NAALADL2: variants seen among roughly 807,000 people sequenced by gnomAD.
NAALADL2 encodes N-acetylated alpha-linked acidic dipeptidase like 2.
Under a neutral mutation model 87.2 loss-of-function variants are expected in NAALADL2, and 76 were observed. That is an observed-to-expected ratio of 0.87 (90% CI 0.72 to 1.05). The LOEUF (loss-of-function observed/expected upper bound fraction) is 1.05. NAALADL2 is among the 50% of genes least tolerant of loss of function. The probability of loss-of-function intolerance (pLI) is 0.00; values close to 1 mark genes in which losing one functional copy is unlikely to be tolerated. For synonymous variants in NAALADL2, 354 were observed against 331.0 expected, an observed-to-expected ratio of 1.07 and a Z score of -0.75; for missense variants, 1,089 against 945.8, an observed-to-expected ratio of 1.15 and a Z score of -1.99.
At chr3:175,772,497 C>T (rs1272668027) in intron 13 of NAALADL2, among the ~76,000 whole-genome samples, 2 of 152,156 alleles carry the variant, frequency 1.3e-5, no homozygotes, top group African/African-American at 4.8e-5. Context: ...AGCTTCTTCA[C>T]CTAAGTAGTG....
intron 5 of NAALADL2, among the ~76,000 whole-genome samples, chr3:175,435,799 A>C (rs892515016): frequency 2.3e-4 from 35 of 151,522 alleles, no homozygotes; most frequent in Non-Finnish European, 4.4e-4. Flanking sequence ...GGATAAGCTA[A>C]TTGGAAAGGA....
chr3:174,997,411 T>G (rs1236465026), intron 1 of NAALADL2, among the ~76,000 whole-genome samples: 3 of 152,174 alleles, frequency 2.0e-5, no homozygotes, highest in African/African-American at 7.2e-5. Context: ...ATTTATTGTT[T>G]TGATTTGTGC....
chr3:174,863,638 T>C (rs573648328), intron 1 of NAALADL2, among the ~76,000 whole-genome samples: 19 of 152,170 alleles, frequency 1.2e-4, no homozygotes, highest in Admixed American at 1.2e-3. Flanking sequence ...AGTTGCAGCC[T>C]GAGGGTAGTA....
chr3:175,208,565 A>C, intron 2 of NAALADL2, among the ~76,000 whole-genome samples: 1 of 152,252 alleles, frequency 6.6e-6, no homozygotes. Context: ...CTCTGTTACG[A>C]AGTGGATTGC....
intron 13 of NAALADL2, among the ~76,000 whole-genome samples, chr3:175,798,247 A>C (rs1753744829): frequency 6.6e-6 from 1 of 152,072 alleles, no homozygotes. Flanking sequence ...CTACTATTAT[A>C]ATAAAGATCA....
At chr3:175,546,878 T>A (rs1713427041) in intron 9 of NAALADL2, among the ~76,000 whole-genome samples, 1 of 152,050 alleles carries the variant, frequency 6.6e-6, no homozygotes, top group Non-Finnish European at 1.5e-5. Flanking sequence ...GCAGTATATC[T>A]ACAAGGAGAA....
intron 4 of NAALADL2, among the ~76,000 whole-genome samples, chr3:175,291,547 A>T (rs543677688): frequency 6.6e-5 from 10 of 152,260 alleles, no homozygotes; most frequent in Middle Eastern, 3.4e-3. Context: ...TATTCAAGCT[A>T]GAAATAATTA....
chr3:175,233,994 G>C lies in NAALADL2; in HGVS notation c.609G>C (p.Gln203His), dbSNP rs199529620. The C allele has an allele frequency of 5.5e-4, 886 of 1,610,410 alleles. 2 individuals are homozygous for C. The highest frequency in any genetic ancestry group is 2.4e-3 in the South Asian group (219 of 90,982). Residue 203 changes from glutamine (Q) to histidine (H), a missense_variant, in exon 3 of 14, where the codon CAG becomes CAC. Gln to His is a conservative substitution (Grantham distance 24, BLOSUM62 0). Coordinates refer to ENST00000454872, the MANE Select transcript of NAALADL2 (RefSeq NM_207015.3). ...AAATTTCAAAGAAGATTAAGACTCA[G>C]TGGACCTCTTTGGGCCTAGAAGATG... is the stretch of plus-strand genomic sequence containing the variant. Reference protein sequence around the residue: ...DMEISKKIKTQWTSLGLEDVQ... With the variant: ...DMEISKKIKTHWTSLGLEDVQ...
intron 3 of NAALADL2, among the ~76,000 whole-genome samples, chr3:174,851,523 T>C (rs571460452): frequency 1.0e-3 from 153 of 152,156 alleles, no homozygotes; most frequent in African/African-American, 3.5e-3. Context: ...CTGGAAGAAA[T>C]GGATAAATTC....
chr3:175,173,292 A>AAAT (rs1560118471), intron 2 of NAALADL2, among the ~76,000 whole-genome samples: 2 of 138,580 alleles, frequency 1.4e-5, no homozygotes, highest in African/African-American at 5.4e-5. Flanking sequence ...ACTCCGTTTC[A>AAAT]AAATAAATAA....
chr3:175,051,693 G>C (rs1755411449), intron 1 of NAALADL2, among the ~76,000 whole-genome samples: 1 of 152,178 alleles, frequency 6.6e-6, no homozygotes, highest in African/African-American at 2.4e-5. Flanking sequence ...TATGGAGAAG[G>C]GATTATACAA....
intron 4 of NAALADL2, among the ~76,000 whole-genome samples, chr3:175,323,254 C>T (rs1285813000): frequency 1.2e-4 from 17 of 144,818 alleles, no homozygotes; most frequent in East Asian, 2.1e-4. Flanking sequence ...AACCAAACAC[C>T]GCATATTCTC....
intron 5 of NAALADL2, among the ~76,000 whole-genome samples, chr3:175,341,373 A>G (rs1176493771): frequency 6.6e-6 from 1 of 152,172 alleles, no homozygotes; most frequent in East Asian, 1.9e-4. Flanking sequence ...CATTGTGTTG[A>G]TACACCACGT....
At chr3:175,631,552 C>G (rs1727770887) in intron 11 of NAALADL2, among the ~76,000 whole-genome samples, 1 of 151,260 alleles carries the variant, frequency 6.6e-6, no homozygotes. Flanking sequence ...AGTATTGATG[C>G]CAATAGGTGT....
intron 2 of NAALADL2, among the ~76,000 whole-genome samples, chr3:174,604,180 G>A (rs867776285): frequency 6.6e-5 from 10 of 151,972 alleles, no homozygotes; most frequent in African/African-American, 2.4e-4. Flanking sequence ...GGGATGTTGG[G>A]GTCTCTAACT....
intron 5 of NAALADL2, among the ~76,000 whole-genome samples, chr3:175,412,833 C>T (rs1216909678): frequency 6.7e-6 from 1 of 149,648 alleles, no homozygotes; most frequent in African/African-American, 2.4e-5. Context: ...AGTATTGGGA[C>T]ATTTTGGGTC....
At chr3:174,643,188 A>G (rs961267804) in intron 2 of NAALADL2, among the ~76,000 whole-genome samples, 15 of 152,216 alleles carry the variant, frequency 9.9e-5, no homozygotes, top group Non-Finnish European at 1.8e-4. Flanking sequence ...TTCAGGCCAC[A>G]GAGTAGTTCC....
At chr3:175,021,164 C>G (rs1019002557) in intron 1 of NAALADL2, among the ~76,000 whole-genome samples, 1 of 151,982 alleles carries the variant, frequency 6.6e-6, no homozygotes, top group African/African-American at 2.4e-5. Flanking sequence ...TTGTGAAGGT[C>G]TCCTGTGTTT....
chr3:174,836,774 C>A (rs1579135978), intron 3 of NAALADL2, among the ~76,000 whole-genome samples: 2 of 140,214 alleles, frequency 1.4e-5, no homozygotes, highest in African/African-American at 5.3e-5. Context: ...TATTTTACCA[C>A]AATTAAAAAT....
Sources: allele counts gnomAD v4.1 joint callset (sites outside exome capture counted in the v4.1 genomes callset), GRCh38; gene constraint gnomAD v4.1.1; transcripts MANE v1.5; gene names NCBI Gene and HGNC (gene_info 2026-07-23, HGNC 2026-07-21).